Variants in EDA observed in about 807,000 individuals in gnomAD.
EDA encodes the protein ectodysplasin-A.
A neutral mutation model predicts 23.6 loss-of-function variants in EDA; 2 were observed. That is an observed-to-expected ratio of 0.08 (90% CI 0.03 to 0.27). EDA has a LOEUF of 0.27. Among genes scored for constraint, EDA ranks in the 10% least tolerant of loss-of-function variants. The pLI, the probability that EDA is intolerant of heterozygous loss-of-function variation, is 1.00. For synonymous variants in EDA, 131 were observed against 132.0 expected (o/e 0.99, Z 0.05); for missense variants, 229 against 324.2 (o/e 0.71, Z 2.26).
At chrX:69,748,654 A>C (rs139988426) in intron 1 of EDA, among the ~76,000 whole-genome samples, 1 of 111,872 alleles carries the variant, frequency 8.9e-6, no homozygotes, top group African/African-American at 3.2e-5. Flanking sequence ...AATAGCTTAA[A>C]AGCATGGACT....
At chrX:69,832,667 G>GCA (rs1569348659) in intron 1 of EDA, among the ~76,000 whole-genome samples, 1 of 111,355 alleles carries the variant, frequency 9.0e-6, no homozygotes, top group African/African-American at 3.3e-5. Flanking sequence ...CTTCCTATCC[G>GCA]TGAGCATGGA....
chrX:69,762,721 A>G (rs1192975584), intron 1 of EDA, among the ~76,000 whole-genome samples: 1 of 112,138 alleles, frequency 8.9e-6, no homozygotes, highest in East Asian at 2.8e-4. Flanking sequence ...AGTAGAAATG[A>G]GAGAGAAGAG....
intron 1 of EDA, among the ~76,000 whole-genome samples, chrX:69,728,310 G>A (rs755230838): frequency 9.0e-6 from 1 of 110,937 alleles, no homozygotes; most frequent in South Asian, 3.9e-4. Flanking sequence ...GATATGGTAA[G>A]GTGAATGTTG....
Position 69,637,797 on chromosome X carries a change from A to AACT in EDA, c.396+21109_396+21111dup, listed in dbSNP as rs749702689. 7.2e-5 allele frequency among the ~76,000 whole-genome samples: 8 copies of AACT among 111,027 alleles called. No homozygotes were observed. In the South Asian group the frequency reaches 2.7e-3, roughly 38 times the overall value. ...ATATAGTAAGTCCTCACTAAATGTT[A>AACT]ACTACTACTACTACTACTGCTTAGT... On this transcript the variant is annotated intron_variant, in intron 1 of 7. Transcript: ENST00000374552.
chrX:69,676,500 G>A (rs1048359321), intron 1 of EDA, among the ~76,000 whole-genome samples: 1 of 109,106 alleles, frequency 9.2e-6, no homozygotes, highest in Non-Finnish European at 1.9e-5. Context: ...GTGTGTGTGT[G>A]TGCGCGCGCG....
chrX:69,943,589 G>A (rs2018793549), intron 1 of EDA, among the ~76,000 whole-genome samples: 1 of 111,257 alleles, frequency 9.0e-6, no homozygotes, highest in Non-Finnish European at 1.9e-5. Context: ...CACCACTGTG[G>A]CCACCACCAC....
At chrX:69,924,935 G>A (rs1602538158) in intron 1 of EDA, among the ~76,000 whole-genome samples, 1 of 111,243 alleles carries the variant, frequency 9.0e-6, no homozygotes, top group East Asian at 2.8e-4. Flanking sequence ...GAGTTCACTC[G>A]TGATTTGGCT....
intron 1 of EDA, among the ~76,000 whole-genome samples, chrX:69,673,263 G>C (rs1438428565): frequency 9.0e-6 from 1 of 111,606 alleles, no homozygotes; most frequent in Non-Finnish European, 1.9e-5. Context: ...GAGGAAGAAG[G>C]GTCAGTAAAC....
chrX:69,957,088 G>A lies in EDA; in HGVS notation c.458G>A (p.Arg153His), dbSNP rs140642493. 2,689 of 1,210,273 alleles carry A rather than the reference G, an allele frequency of 2.2e-3. 5 individuals are homozygous for A. The highest frequency in any genetic ancestry group is 0.015 in the South Asian group (843 of 56,806). The change falls in exon 2 of 8, where the codon CGT becomes CAT. Residue 153 changes from arginine (R) to histidine (H), a missense_variant. Physicochemically the swap from Arg to His is conservative, Grantham distance 29 (BLOSUM62 0). Transcript: ENST00000374552. ...EKPYSEEESRRVRRNKRSKSN... is the reference protein window; with the variant it reads ...EKPYSEEESRHVRRNKRSKSN... ...CCATACTCTGAAGAAGAAAGTAGGC[G>A]TGTTCGCCGCAATAAAAGAAGCAAA...
At chrX:69,887,726 T>A (rs1050167726) in intron 1 of EDA, among the ~76,000 whole-genome samples, 1 of 111,886 alleles carries the variant, frequency 8.9e-6, no homozygotes, top group African/African-American at 3.2e-5. Context: ...ACCATGAGAC[T>A]TCTCAACAGA....
At chrX:69,863,517 A>G (rs1392814314) in intron 1 of EDA, among the ~76,000 whole-genome samples, 1 of 32,393 alleles carries the variant, frequency 3.1e-5, no homozygotes, top group African/African-American at 7.4e-5. Context: ...ATATATATGT[A>G]TATATATGTG....
Position 69,876,483 on chromosome X carries a change from T to C in EDA, c.397-80544T>C, listed in dbSNP as rs182786774. Among the ~76,000 whole-genome samples the C allele has an allele frequency of 3.2e-3, 353 of 111,475 alleles. 1 individual carries two copies. The highest frequency in any genetic ancestry group is 3.5e-3 in the Non-Finnish European group (188 of 52,994). ...AAAAATAAGAAATGTTTAAAAATTATACTATTCTGAGAGTTTGGGCAAATA... is the reference window on the plus strand; with the variant it reads ...AAAAATAAGAAATGTTTAAAAATTACACTATTCTGAGAGTTTGGGCAAATA... On this transcript the variant is annotated intron_variant, in intron 1 of 7. Transcript: ENST00000374552.
At chrX:69,884,077 T>C (rs1400805156) in intron 1 of EDA, among the ~76,000 whole-genome samples, 1 of 110,665 alleles carries the variant, frequency 9.0e-6, no homozygotes, top group Non-Finnish European at 1.9e-5. Context: ...AAAAAAAGAA[T>C]TTTTTTCTAA....
intron 2 of EDA, among the ~76,000 whole-genome samples, chrX:69,964,000 C>T (rs1249070113): frequency 8.9e-6 from 1 of 111,796 alleles, no homozygotes; most frequent in Non-Finnish European, 1.9e-5. Flanking sequence ...AGGAATATCT[C>T]ACTTGCCTAA....
At chrX:69,833,303 G>C (rs2016668060) in intron 1 of EDA, among the ~76,000 whole-genome samples, 2 of 110,690 alleles carry the variant, frequency 1.8e-5, no homozygotes, top group Admixed American at 1.9e-4. Context: ...ATAATCATGT[G>C]GTTTTTTTGT....
At chrX:69,722,414 G>A (rs1380802959) in intron 1 of EDA, among the ~76,000 whole-genome samples, 3 of 110,046 alleles carry the variant, frequency 2.7e-5, no homozygotes, top group African/African-American at 6.6e-5. Flanking sequence ...CACCTTGTTA[G>A]CCAGGATGGT....
chrX:69,970,476 CT>C (rs201017957), intron 2 of EDA, among the ~76,000 whole-genome samples: 16 of 108,487 alleles, frequency 1.5e-4, no homozygotes, highest in African/African-American at 4.0e-4. Context: ...AATGAGAATG[CT>C]TTTTTTTTCA....
intron 1 of EDA, among the ~76,000 whole-genome samples, chrX:69,641,614 A>ATT (rs1359760748): frequency 1.8e-5 from 2 of 112,266 alleles, no homozygotes; most frequent in Non-Finnish European, 3.8e-5. Flanking sequence ...TTGCAACATA[A>ATT]TAAAGGCAGA....
chrX:69,670,183 G>GTT (rs544601085), intron 1 of EDA: 39,451 of 220,341 alleles, frequency 0.18, 3,450 homozygotes, highest in East Asian at 0.48. Context: ...TTGGCTGACT[G>GTT]TTTTTTTTTT....
Sources: allele counts gnomAD v4.1 joint callset (sites outside exome capture counted in the v4.1 genomes callset), GRCh38; gene constraint gnomAD v4.1.1; transcripts MANE v1.5; gene names NCBI Gene and HGNC (gene_info 2026-07-23, HGNC 2026-07-21).